NRK: variants seen among roughly 807,000 people sequenced by gnomAD.
NRK encodes nik-related protein kinase.
NRK carries 67 observed loss-of-function variants against 125.2 expected under a neutral mutation model. That is an observed-to-expected ratio of 0.54 (90% confidence interval 0.44 to 0.66). The LOEUF (loss-of-function observed/expected upper bound fraction) is 0.66. Among genes scored for constraint, NRK ranks in the 30% least tolerant of loss-of-function variants. The pLI, the probability that NRK is intolerant of heterozygous loss-of-function variation, is 0.00. For synonymous variants in NRK, 458 were observed against 429.0 expected (o/e 1.07, Z -0.84); for missense variants, 1,224 against 1,192.9 (o/e 1.03, Z -0.38).
intron 25 of NRK, 129 bp downstream of exon 25, chrX:105,946,144 T>C (rs2040809840): frequency 2.5e-6 from 2 of 791,296 alleles, no homozygotes; most frequent in Non-Finnish European, 3.6e-6. Flanking sequence ...TTTGTTGTAA[T>C]AACAGGTCTA....
At chrX:105,911,459 T>G (rs1045168405) in intron 13 of NRK, among the ~76,000 whole-genome samples, 5 of 111,817 alleles carry the variant, frequency 4.5e-5, no homozygotes, top group African/African-American at 1.6e-4. Flanking sequence ...TAATAATCAT[T>G]GTAATAATTA....
intron 1 of NRK, among the ~76,000 whole-genome samples, chrX:105,826,079 C>A (rs1396266222): frequency 1.0e-5 from 1 of 96,887 alleles, no homozygotes; most frequent in Non-Finnish European, 2.0e-5. Context: ...TATACACATA[C>A]ACACACACAC....
chrX:105,886,456 AATTAT>A (rs919944201), intron 4 of NRK, among the ~76,000 whole-genome samples: 41 of 104,342 alleles, frequency 3.9e-4, no homozygotes, highest in African/African-American at 1.0e-3. Flanking sequence ...TTATATATAT[AATTAT>A]ATTATATATA....
intron 14 of NRK, among the ~76,000 whole-genome samples, chrX:105,915,225 A>T (rs930403374): frequency 2.7e-5 from 3 of 110,922 alleles, no homozygotes; most frequent in Non-Finnish European, 5.7e-5. Flanking sequence ...AGAGATTTTA[A>T]TGAAATGTAT....
chrX:105,882,417 A>G (rs1266871108), intron 4 of NRK, among the ~76,000 whole-genome samples: 1 of 111,122 alleles, frequency 9.0e-6, no homozygotes, highest in East Asian at 2.8e-4. Flanking sequence ...TCTGATACCA[A>G]CAATTCTCTG....
At chrX:105,922,262 T>C (rs1261469478) in intron 17 of NRK, among the ~76,000 whole-genome samples, 3 of 111,974 alleles carry the variant, frequency 2.7e-5, no homozygotes, top group African/African-American at 9.7e-5. Context: ...AAACATTTAA[T>C]CAATCAGAGA....
Position 105,946,026 on chromosome X carries a change from T to G in NRK, c.4203+11T>G. On this transcript the variant is annotated intron_variant, in intron 25 of 28. Transcript: ENST00000243300. Reference sequence around the variant, plus strand: ...TTGCTGAAGCTCAAGGCAAGGAACTTGAAGACAGCAAACAGAATGCAGGGT... The same window carrying G: ...TTGCTGAAGCTCAAGGCAAGGAACTGGAAGACAGCAAACAGAATGCAGGGT... 8.3e-7 allele frequency: 1 copy of G among 1,203,066 alleles called. No homozygotes were observed. The highest frequency in any genetic ancestry group is 1.1e-6 in the Non-Finnish European group (1 of 889,540).
intron 28 of NRK, among the ~76,000 whole-genome samples, chrX:105,953,565 A>G (rs1469630639): frequency 5.4e-5 from 6 of 111,906 alleles, no homozygotes; most frequent in Non-Finnish European, 3.8e-5. Flanking sequence ...ACATAATTCA[A>G]TAACAGAAGG....
At chrX:105,850,949 C>T (rs951637497) in intron 2 of NRK, among the ~76,000 whole-genome samples, 4 of 112,264 alleles carry the variant, frequency 3.6e-5, no homozygotes, top group African/African-American at 1.3e-4. Flanking sequence ...GGTATCTTTT[C>T]AGCAATGCCC....
intron 16 of NRK, 98 bp from the exon 17 acceptor site, chrX:105,921,866 A>AT (rs1402320829): frequency 5.3e-6 from 2 of 375,298 alleles, no homozygotes; most frequent in African/African-American, 5.3e-5. Flanking sequence ...AAGAAAAAAA[A>AT]AAAGAAAAAA....
chrX:105,868,526 C>T (rs751621217), intron 2 of NRK, among the ~76,000 whole-genome samples: 5 of 111,313 alleles, frequency 4.5e-5, no homozygotes, highest in Non-Finnish European at 5.7e-5. Context: ...CTTAGTCTTC[C>T]ATATTGCCTC....
Position 105,922,050 on chromosome X carries a change from G to T in NRK, c.2599G>T (p.Val867Phe). The T allele has an allele frequency of 9.1e-7, 1 of 1,098,244 alleles. No homozygotes were observed. Among genetic ancestry groups the T allele is most frequent in the Non-Finnish European group, 1.3e-6 (1 of 796,042 alleles). 90.5% of individuals were successfully genotyped at this position (1,098,244 alleles called of 1,213,427 possible). The change falls in exon 17 of 29, where the codon GTT becomes TTT. Residue 867 changes from valine (V) to phenylalanine (F), a missense_variant. Physicochemically the swap from Val to Phe is conservative, Grantham distance 50. Transcript: ENST00000243300. ...TTCTACTATTGATCAGAAGTTGCTG[G>T]TTGACATCCATGTAAGTTTCCATCT... ...PYSTIDQKLL[V>F]DIHVPDGFKV...
At chrX:105,857,590 GA>G (rs1270068836) in intron 2 of NRK, among the ~76,000 whole-genome samples, 1 of 110,727 alleles carries the variant, frequency 9.0e-6, no homozygotes, top group Non-Finnish European at 1.9e-5. Flanking sequence ...ATTTCTTAAA[GA>G]AAAAAATCCC....
At chrX:105,948,777 CT>C (rs77813783) in intron 26 of NRK, 64,848 of 306,972 alleles carry the variant, frequency 0.21, 1,826 homozygotes, top group African/African-American at 0.41. Flanking sequence ...TAGTTTCTGA[CT>C]TTTTTTTTTT....
intron 4 of NRK, among the ~76,000 whole-genome samples, chrX:105,886,802 A>C (rs1306944765): frequency 1.8e-5 from 2 of 110,290 alleles, no homozygotes; most frequent in Admixed American, 2.0e-4. Context: ...AATAATAAAA[A>C]TTTTTAAAAG....
At chrX:105,845,797 C>T (rs1207790153) in intron 2 of NRK, among the ~76,000 whole-genome samples, 1 of 111,761 alleles carries the variant, frequency 8.9e-6, no homozygotes, top group Non-Finnish European at 1.9e-5. Flanking sequence ...TGCTACTCCT[C>T]CCTGCTTCTT....
At chrX:105,898,562 G>A (rs750095092) in intron 7 of NRK, 22 bp from the exon 8 acceptor site, 4 of 1,177,615 alleles carry the variant, frequency 3.4e-6, no homozygotes, top group South Asian at 1.9e-5. Flanking sequence ...TGATTATTTT[G>A]ACATATAATG....
At chrX:105,899,778 C>T (rs1316217471) in intron 8 of NRK, among the ~76,000 whole-genome samples, 1 of 110,852 alleles carries the variant, frequency 9.0e-6, no homozygotes, top group African/African-American at 3.3e-5. Flanking sequence ...ACCAACCTGG[C>T]CAACATGGCG....
intron 23 of NRK, among the ~76,000 whole-genome samples, chrX:105,942,925 C>T (rs753223472): frequency 3.6e-5 from 4 of 111,656 alleles, no homozygotes; most frequent in Admixed American, 2.8e-4. Context: ...GTGCCCGGCC[C>T]ATATACTAGA....
Sources: allele counts gnomAD v4.1 joint callset (sites outside exome capture counted in the v4.1 genomes callset), GRCh38; gene constraint gnomAD v4.1.1; transcripts MANE v1.5; gene names NCBI Gene and HGNC (gene_info 2026-07-23, HGNC 2026-07-21).